ARB2A: variants seen among roughly 807,000 people sequenced by gnomAD.
ARB2A encodes the protein ARB2 cotranscriptional regulator A.
At chr5:93,976,563 T>A in the ARB2A span, among the ~76,000 whole-genome samples, 1 of 152,162 alleles carries the variant, frequency 6.6e-6, no homozygotes, top group East Asian at 1.9e-4. Context: ...CTCATGATAG[T>A]GAGTGAATTT....
the ARB2A span, among the ~76,000 whole-genome samples, chr5:93,766,971 T>G: frequency 7.1e-6 from 1 of 139,950 alleles, no homozygotes; most frequent in Non-Finnish European, 1.5e-5. Flanking sequence ...TTCTCACTCA[T>G]AGGTGGGCAT....
At chr5:93,878,259 C>T in the ARB2A span, among the ~76,000 whole-genome samples, 1 of 151,876 alleles carries the variant, frequency 6.6e-6, no homozygotes, top group Admixed American at 6.6e-5. Context: ...AATCCTGGCT[C>T]TACCACCTTA....
chr5:94,098,598 C>T, the ARB2A span, among the ~76,000 whole-genome samples: 1 of 151,990 alleles, frequency 6.6e-6, no homozygotes, highest in Admixed American at 6.5e-5. Context: ...AGCAAATCAA[C>T]CCCAAAGCTA....
chr5:93,726,479 T>G, the ARB2A span, among the ~76,000 whole-genome samples: 1 of 152,020 alleles, frequency 6.6e-6, no homozygotes, highest in Non-Finnish European at 1.5e-5. Context: ...TTGCTGCGAC[T>G]GCCTGTAGGT....
chr5:93,986,232 G>A, the ARB2A span, among the ~76,000 whole-genome samples: 9 of 140,386 alleles, frequency 6.4e-5, no homozygotes, highest in Non-Finnish European at 1.1e-4. Flanking sequence ...CCGGCTGCCC[G>A]GTCTGAGAAG....
the ARB2A span, among the ~76,000 whole-genome samples, chr5:93,966,975 T>C: frequency 6.6e-6 from 1 of 151,692 alleles, no homozygotes; most frequent in African/African-American, 2.4e-5. Flanking sequence ...TCTCTGTCCA[T>C]CCTGTCTACA....
chr5:94,109,412 A>C, the ARB2A span, among the ~76,000 whole-genome samples: 1 of 152,200 alleles, frequency 6.6e-6, no homozygotes, highest in Non-Finnish European at 1.5e-5. Flanking sequence ...ACTACTGTGC[A>C]AACCCAATCT....
the ARB2A span, among the ~76,000 whole-genome samples, chr5:93,943,576 C>T: frequency 6.6e-6 from 1 of 151,978 alleles, no homozygotes; most frequent in African/African-American, 2.4e-5. Flanking sequence ...CTTTTATTTT[C>T]GTATTATTAT....
the ARB2A span, among the ~76,000 whole-genome samples, chr5:93,979,581 A>C: frequency 6.6e-6 from 1 of 152,014 alleles, no homozygotes; most frequent in African/African-American, 2.4e-5. Context: ...TTACAAAAAA[A>C]CCCTGCATGC....
the ARB2A span, among the ~76,000 whole-genome samples, chr5:93,936,531 A>G: frequency 6.6e-6 from 1 of 152,232 alleles, no homozygotes; most frequent in Non-Finnish European, 1.5e-5. Context: ...AGTTATCAAT[A>G]GCAATTTTTC....
At chr5:93,651,449 T>C in the ARB2A span, among the ~76,000 whole-genome samples, 1 of 152,290 alleles carries the variant, frequency 6.6e-6, no homozygotes, top group African/African-American at 2.4e-5. Flanking sequence ...AATATGATTT[T>C]CAACCAGAGA....
chr5:93,623,631 A>C, the ARB2A span, among the ~76,000 whole-genome samples: 1 of 152,194 alleles, frequency 6.6e-6, no homozygotes, highest in Admixed American at 6.5e-5. Context: ...AAAAGACCAG[A>C]GTCCCTGAGA....
the ARB2A span, among the ~76,000 whole-genome samples, chr5:93,804,100 G>A: frequency 9.9e-5 from 15 of 151,954 alleles, no homozygotes; most frequent in African/African-American, 3.6e-4. Flanking sequence ...TATGTACACA[G>A]ACACCATACA....
the ARB2A span, among the ~76,000 whole-genome samples, chr5:93,969,025 T>C: frequency 3.3e-5 from 5 of 149,834 alleles, no homozygotes; most frequent in South Asian, 6.3e-4. Context: ...TTTCTTTTTT[T>C]TTTTTTTTTT....
At chr5:93,843,546 C>T in the ARB2A span, among the ~76,000 whole-genome samples, 2 of 151,602 alleles carry the variant, frequency 1.3e-5, no homozygotes, top group African/African-American at 4.8e-5. Context: ...GCCTTAGCCT[C>T]CTGAGTAGCT....
chr5:93,850,969 G>C, the ARB2A span, among the ~76,000 whole-genome samples: 1 of 151,978 alleles, frequency 6.6e-6, no homozygotes, highest in Non-Finnish European at 1.5e-5. Context: ...AAATATTAGG[G>C]ATTCTTAGTC....
chr5:93,932,924 G>T, the ARB2A span, among the ~76,000 whole-genome samples: 1 of 152,066 alleles, frequency 6.6e-6, no homozygotes, highest in South Asian at 2.1e-4. Flanking sequence ...CTAATATCCA[G>T]AATCTACAAG....
chr5:94,102,298 C>A, the ARB2A span, among the ~76,000 whole-genome samples: 33 of 151,912 alleles, frequency 2.2e-4, no homozygotes, highest in Non-Finnish European at 4.3e-4. Flanking sequence ...AATACAAGAA[C>A]TTAAAGATGA....
chr5:93,866,216 C>T, the ARB2A span: 2 of 985,290 alleles, frequency 2.0e-6, no homozygotes, highest in South Asian at 9.4e-5. Flanking sequence ...AATTTTTTCA[C>T]TCTCCTCTGT....
Sources: allele counts gnomAD v4.1 joint callset (sites outside exome capture counted in the v4.1 genomes callset), GRCh38; gene constraint gnomAD v4.1.1; transcripts MANE v1.5; gene names NCBI Gene and HGNC (gene_info 2026-07-23, HGNC 2026-07-21).